The following DENND6B variants were observed in gnomAD, a reference collection of about 807,000 sequenced individuals.
DENND6B encodes protein DENND6B.
Under a neutral mutation model 85.1 loss-of-function variants are expected in DENND6B, and 73 were observed. The observed-to-expected ratio is 0.86, with a 90% CI of 0.71 to 1.04. DENND6B has a LOEUF of 1.04. Among genes scored for constraint, DENND6B ranks in the 50% least tolerant of loss-of-function variants. DENND6B has a pLI of 0.00. For synonymous variants in DENND6B, 357 were observed against 329.3 expected (o/e 1.08, Z -0.91); for missense variants, 715 against 785.8 (o/e 0.91, Z 1.08).
At chr22:50,316,130 C>T in intron 7 of DENND6B, 43 bp from the exon 8 acceptor site, 1 of 1,612,652 alleles carries the variant, frequency 6.2e-7, no homozygotes, top group South Asian at 1.1e-5. Context: ...GTAGGGCATC[C>T]CCACACACCT....
At position 50,315,703 on chromosome 22, in the gene DENND6B, AG is replaced by A. The variant is rs1444290161; in HGVS notation, c.758+10del. 3 of 1,567,206 alleles carry A rather than the reference AG, an allele frequency of 1.9e-6. No individual in the cohort carries two copies. Among genetic ancestry groups the A allele is most frequent in the Admixed American group, 1.9e-5 (1 of 52,076 alleles). On this transcript the variant is annotated intron_variant, in intron 9 of 19. Coordinates refer to ENST00000413817, the MANE Select transcript of DENND6B (RefSeq NM_001001794.4). ...CCTCAAAAGCAGTGTGCAGAACCCTAGGGGGCTCACCTGAACAGGTCCAGCT... is the reference window on the plus strand; with the variant it reads ...CCTCAAAAGCAGTGTGCAGAACCCTAGGGGCTCACCTGAACAGGTCCAGCT...
At chr22:50,322,129 C>G (rs922782878) in intron 1 of DENND6B, among the ~76,000 whole-genome samples, 1 of 147,812 alleles carries the variant, frequency 6.8e-6, no homozygotes, top group Admixed American at 6.8e-5. Flanking sequence ...GGCTGGAGTA[C>G]AGTGGCGCGA....
At position 50,312,160 on chromosome 22, in the gene DENND6B, C is replaced by G; in HGVS notation, c.1737G>C (p.Gln579His). 1 of 1,612,496 alleles carries G rather than the reference C, an allele frequency of 6.2e-7. No individual in the cohort carries two copies. Among genetic ancestry groups the G allele is most frequent in the Non-Finnish European group, 8.5e-7 (1 of 1,179,758 alleles). The change falls in exon 20 of 20, where the codon CAG becomes CAC. Residue 579 changes from glutamine (Q) to histidine (H), a missense_variant. Physicochemically the swap from Gln to His is conservative, Grantham distance 24. Coordinates refer to ENST00000413817, the MANE Select transcript of DENND6B (RefSeq NM_001001794.4). ...TGTTCTAGGGAGGGCACAAGACAGC[C>G]TGCAGGTCTTTGGGCAGGGAGCCGA... ...TVIGSLPKDL[Q>H]AVLCPP
chr22:50,312,493 T>C (rs1165151489), intron 18 of DENND6B, 30 bp downstream of exon 18: 4 of 1,570,370 alleles, frequency 2.5e-6, no homozygotes, highest in Non-Finnish European at 3.5e-6. Context: ...CACCATGTTC[T>C]GGCCCTCCCC....
At chr22:50,315,965 A>T in intron 8 of DENND6B, 60 bp downstream of exon 8, 5 of 1,610,556 alleles carry the variant, frequency 3.1e-6, no homozygotes, top group Non-Finnish European at 4.2e-6. Context: ...CCGGCCCAGG[A>T]GCAGGACTCA....
At chr22:50,319,075 G>A (rs578011625) in intron 1 of DENND6B, 72 bp from the exon 2 acceptor site, 2 of 1,549,436 alleles carry the variant, frequency 1.3e-6, no homozygotes, top group East Asian at 2.4e-5. Flanking sequence ...AGCATCTGCT[G>A]GACTGTGACC....
chr22:50,315,109 C>T, intron 9 of DENND6B, 188 bp from the exon 10 acceptor site: 1 of 859,062 alleles, frequency 1.2e-6, no homozygotes, highest in East Asian at 2.8e-5. Context: ...TGTGACAATC[C>T]ACCTGTGCTG....
chr22:50,321,893 G>A (rs2042056334), intron 1 of DENND6B, among the ~76,000 whole-genome samples: 1 of 151,974 alleles, frequency 6.6e-6, no homozygotes, highest in Admixed American at 6.6e-5. Flanking sequence ...TTACACTGCT[G>A]TGTAGAGATT....
chr22:50,326,788 G>GCGCC, intron 1 of DENND6B, 24 bp downstream of exon 1: 2 of 1,230,656 alleles, frequency 1.6e-6, no homozygotes, highest in Non-Finnish European at 2.1e-6. Context: ...CCACCCGCCC[G>GCGCC]CGCCCGCGCT....
chr22:50,318,034 GC>G lies in DENND6B; in HGVS notation c.260-15del. ...CTCCAAGGCAGCCTAAGAAGGGGCA[GC>G]CCCACCACACGGGTCAAGGCCGGGA... On this transcript the variant is annotated splice_polypyrimidine_tract_variant and intron_variant, in intron 3 of 19. Coordinates refer to ENST00000413817, the MANE Select transcript of DENND6B (RefSeq NM_001001794.4). 1.9e-6 allele frequency: 3 copies of G among 1,611,288 alleles called. No individual in the cohort carries two copies. Among genetic ancestry groups the G allele is most frequent in the Non-Finnish European group, 2.5e-6 (3 of 1,179,204 alleles).
At chr22:50,323,383 G>A (rs776017514) in intron 1 of DENND6B, among the ~76,000 whole-genome samples, 10 of 150,378 alleles carry the variant, frequency 6.6e-5, no homozygotes, top group East Asian at 5.9e-4. Flanking sequence ...TCCACCTCCC[G>A]GGTTCAAGCA....
chr22:50,312,552 C>T lies in DENND6B; in HGVS notation c.1531G>A (p.Ala511Thr), dbSNP rs371327605. 46 of 1,595,746 alleles carry T rather than the reference C, an allele frequency of 2.9e-5. No individual in the cohort carries two copies. Among genetic ancestry groups the T allele is most frequent in the Non-Finnish European group, 3.8e-5 (45 of 1,172,116 alleles). ...TCACAGATAGCCTCCAGGTGCAGGG[C>T]CTCCAGCTTCAGGGCCATCTCCTTG... ...RHKEMALKLE[A>T]LHLEAICEAN... is the part of the protein sequence containing the mutation. The change falls in exon 18 of 20, where the codon GCC becomes ACC. Residue 511 changes from alanine (A) to threonine (T), a missense_variant. Transcript: ENST00000413817.
chr22:50,313,552 A>G (rs568457612), intron 15 of DENND6B, 53 bp from the exon 16 acceptor site: 6 of 389,902 alleles, frequency 1.5e-5, no homozygotes, highest in Admixed American at 9.4e-5. Context: ...CCCCAGCCCC[A>G]TCCCCCGCAG....
chr22:50,325,023 C>T (rs1047820826), intron 1 of DENND6B, among the ~76,000 whole-genome samples: 17 of 152,148 alleles, frequency 1.1e-4, no homozygotes, highest in Admixed American at 8.5e-4. Context: ...AAAACGACCT[C>T]GATCTTCCCT....
At chr22:50,317,420 T>A in intron 4 of DENND6B, 47 bp from the exon 5 acceptor site, 1 of 1,606,642 alleles carries the variant, frequency 6.2e-7, no homozygotes, top group Non-Finnish European at 8.5e-7. Flanking sequence ...CCGGACCACC[T>A]GGCCAGCCCC....
At chr22:50,325,494 G>A (rs2042166171) in intron 1 of DENND6B, among the ~76,000 whole-genome samples, 2 of 151,806 alleles carry the variant, frequency 1.3e-5, no homozygotes, top group African/African-American at 4.8e-5. Context: ...GTGCCACCTC[G>A]CCCGGCTAAT....
intron 1 of DENND6B, among the ~76,000 whole-genome samples, chr22:50,322,713 A>AT (rs1343159593): frequency 6.6e-6 from 1 of 151,286 alleles, no homozygotes; most frequent in Non-Finnish European, 1.5e-5. Flanking sequence ...TGCCTGGCTA[A>AT]TTTTTTGTAT....
chr22:50,317,531 G>A (rs80042432), intron 4 of DENND6B, among the ~76,000 whole-genome samples, 158 bp from the exon 5 acceptor site: 3,020 of 152,238 alleles, frequency 0.02, 104 homozygotes, highest in African/African-American at 0.068. Context: ...TGGCCACCAA[G>A]GTGGAGGCCA....
rs1244808704 is a variant in DENND6B at position 50,314,514 on chromosome 22, GAA to G, written c.978-22_978-21del. 1 of 1,555,178 alleles carries G rather than the reference GAA, an allele frequency of 6.4e-7. No homozygotes were observed. On this transcript the variant is annotated intron_variant, in intron 11 of 19. Transcript: ENST00000413817. ...TTTGGTCTAGACAGACAGAGAGAGAGAAGAGGCAGAGACAGAGGTCCAGGGAG... is the reference window on the plus strand; with the variant it reads ...TTTGGTCTAGACAGACAGAGAGAGAGGAGGCAGAGACAGAGGTCCAGGGAG...
Sources: allele counts gnomAD v4.1 joint callset (sites outside exome capture counted in the v4.1 genomes callset), GRCh38; gene constraint gnomAD v4.1.1; transcripts MANE v1.5; gene names NCBI Gene and HGNC (gene_info 2026-07-23, HGNC 2026-07-21).